EXT1: variants seen among roughly 807,000 people sequenced by gnomAD.
EXT1 encodes the protein exostosin-1.
A neutral mutation model predicts 82.5 loss-of-function variants in EXT1; 20 were observed. The ratio of observed to expected loss-of-function variants is 0.24; its 90% CI spans 0.17 to 0.35. EXT1 has a LOEUF of 0.35. EXT1 is among the 10% of genes least tolerant of loss of function. The pLI, the probability that EXT1 is intolerant of heterozygous loss-of-function variation, is 1.00. For missense variants in EXT1, 757 were observed against 936.5 expected (o/e 0.81, Z 2.50); for synonymous variants, 348 against 350.8 (o/e 0.99, Z 0.09).
intron 1 of EXT1, among the ~76,000 whole-genome samples, chr8:118,070,649 T>C (rs1229176625): frequency 6.6e-6 from 1 of 152,210 alleles, no homozygotes; most frequent in Non-Finnish European, 1.5e-5. Flanking sequence ...CAAATTCTTT[T>C]ATGACTTAAT....
intron 4 of EXT1, among the ~76,000 whole-genome samples, chr8:117,827,813 A>AAAAAAAAAAAAAAAAAAAAC (rs1358540658): frequency 6.7e-6 from 1 of 150,276 alleles, no homozygotes; most frequent in African/African-American, 2.5e-5. Context: ...AAAAAAAAAA[A>AAAAAAAAAAAAAAAAAAAAC]AATCTTAACA....
intron 1 of EXT1, among the ~76,000 whole-genome samples, chr8:118,021,352 T>TA (rs1816100216): frequency 6.6e-6 from 1 of 152,214 alleles, no homozygotes; most frequent in Non-Finnish European, 1.5e-5. Flanking sequence ...CTCTCTGGGT[T>TA]AACTCATTGG....
chr8:117,833,466 T>C (rs921295610), intron 3 of EXT1, among the ~76,000 whole-genome samples: 5 of 151,960 alleles, frequency 3.3e-5, no homozygotes, highest in African/African-American at 1.2e-4. Context: ...AATACAAAAA[T>C]TAGCTGAGTG....
At chr8:117,917,471 T>C (rs967790426) in intron 1 of EXT1, among the ~76,000 whole-genome samples, 2 of 152,136 alleles carry the variant, frequency 1.3e-5, no homozygotes, top group Non-Finnish European at 2.9e-5. Context: ...TCTCAAAAAA[T>C]AAAAATAAAA....
intron 4 of EXT1, among the ~76,000 whole-genome samples, chr8:117,825,196 C>T (rs1450096320): frequency 6.6e-6 from 1 of 152,100 alleles, no homozygotes; most frequent in Non-Finnish European, 1.5e-5. Context: ...AGGACCTTGT[C>T]AAAGGGTATA....
At chr8:117,927,339 T>G (rs1813971514) in intron 1 of EXT1, among the ~76,000 whole-genome samples, 1 of 147,612 alleles carries the variant, frequency 6.8e-6, no homozygotes. Context: ...GAGCATTTCA[T>G]CCAATGGTCC....
chr8:118,052,403 C>T (rs17476819), intron 1 of EXT1, among the ~76,000 whole-genome samples: 13 of 152,256 alleles, frequency 8.5e-5, no homozygotes, highest in African/African-American at 2.6e-4. Flanking sequence ...TTATTCTATT[C>T]TAGTTTTGTT....
chr8:117,825,969 G>A (rs1427729786), intron 4 of EXT1, among the ~76,000 whole-genome samples: 2 of 152,128 alleles, frequency 1.3e-5, no homozygotes, highest in Non-Finnish European at 2.9e-5. Flanking sequence ...AAGCTCCAAT[G>A]ATTCAATCCT....
chr8:117,939,698 G>A (rs1311140839), intron 1 of EXT1, among the ~76,000 whole-genome samples: 1 of 152,072 alleles, frequency 6.6e-6, no homozygotes, highest in East Asian at 1.9e-4. Context: ...TCTAACTTCA[G>A]ATACCACATT....
At chr8:117,907,301 C>A (rs1420489293) in intron 1 of EXT1, among the ~76,000 whole-genome samples, 3 of 152,222 alleles carry the variant, frequency 2.0e-5, no homozygotes, top group Admixed American at 1.3e-4. Context: ...TCCACCCTCA[C>A]CCTTACTTTT....
At chr8:118,042,586 G>C (rs972903163) in intron 1 of EXT1, among the ~76,000 whole-genome samples, 1 of 152,020 alleles carries the variant, frequency 6.6e-6, no homozygotes, top group African/African-American at 2.4e-5. Flanking sequence ...TGAGCCTCTG[G>C]GGGCACCTGG....
At chr8:118,036,252 A>G (rs1213027865) in intron 1 of EXT1, among the ~76,000 whole-genome samples, 2 of 152,122 alleles carry the variant, frequency 1.3e-5, no homozygotes, top group Non-Finnish European at 2.9e-5. Flanking sequence ...GTATTCCTAC[A>G]TGCTTAATGA....
chr8:117,868,641 G>A (rs17503872), intron 1 of EXT1, among the ~76,000 whole-genome samples: 13,813 of 151,836 alleles, frequency 0.091, 1,657 homozygotes, highest in African/African-American at 0.28. Flanking sequence ...GTAGAGACGA[G>A]GTCCCACTAT....
At chr8:118,007,556 G>C (rs909948417) in intron 1 of EXT1, among the ~76,000 whole-genome samples, 1 of 152,176 alleles carries the variant, frequency 6.6e-6, no homozygotes, top group African/African-American at 2.4e-5. Context: ...AAACCACCAC[G>C]GCACACATTT....
chr8:117,799,593 C>G lies in EXT1; in HGVS notation c.*119G>C. 1.7e-6 allele frequency: 2 copies of G among 1,174,016 alleles called. No homozygotes were observed. Among genetic ancestry groups the G allele is most frequent in the Non-Finnish European group, 2.5e-6 (2 of 800,496 alleles). 72.7% of individuals were successfully genotyped at this position (1,174,016 alleles called of 1,614,324 possible). On this transcript the variant is annotated 3_prime_UTR_variant, in exon 11 of 11. Coordinates refer to ENST00000378204, the MANE Select transcript of EXT1 (RefSeq NM_000127.3). ...TTTTTTTTTTTGTCATTCTGCTCATCTAAGTTTTTGGATAGTTGGCACAAT... is the reference window on the plus strand; with the variant it reads ...TTTTTTTTTTTGTCATTCTGCTCATGTAAGTTTTTGGATAGTTGGCACAAT...
At chr8:117,905,412 T>C (rs1209897877) in intron 1 of EXT1, among the ~76,000 whole-genome samples, 2 of 152,084 alleles carry the variant, frequency 1.3e-5, no homozygotes, top group African/African-American at 2.4e-5. Context: ...GCCTGGCACA[T>C]GGGGGGCAGC....
At chr8:118,027,525 C>G (rs1339408365) in intron 1 of EXT1, among the ~76,000 whole-genome samples, 1 of 152,210 alleles carries the variant, frequency 6.6e-6, no homozygotes, top group African/African-American at 2.4e-5. Context: ...CCTCTCTCTA[C>G]AAGTGCTTGC....
intron 1 of EXT1, among the ~76,000 whole-genome samples, chr8:117,842,133 A>G (rs111522266): frequency 3.3e-5 from 5 of 152,210 alleles, no homozygotes; most frequent in African/African-American, 1.2e-4. Context: ...CATAGTTAAG[A>G]GCTTAGTAAT....
intron 1 of EXT1, among the ~76,000 whole-genome samples, chr8:117,951,846 A>C (rs1353724427): frequency 6.6e-6 from 1 of 152,238 alleles, no homozygotes; most frequent in Non-Finnish European, 1.5e-5. Context: ...AATCAACAGA[A>C]GAATAATATG....
Sources: allele counts gnomAD v4.1 joint callset (sites outside exome capture counted in the v4.1 genomes callset), GRCh38; gene constraint gnomAD v4.1.1; transcripts MANE v1.5; gene names NCBI Gene and HGNC (gene_info 2026-07-23, HGNC 2026-07-21).